The following SEMA3D variants were observed in gnomAD, a reference collection of about 807,000 sequenced individuals.
SEMA3D encodes semaphorin-3D.
Under a neutral mutation model 100.1 loss-of-function variants are expected in SEMA3D, and 84 were observed. That is an observed-to-expected ratio of 0.84 (90% CI 0.70 to 1.01). The LOEUF (loss-of-function observed/expected upper bound fraction) is 1.01. SEMA3D is among the 50% of genes least tolerant of loss of function. The pLI is 0.00. For missense variants in SEMA3D, 875 were observed against 934.1 expected (o/e 0.94, Z 0.82); for synonymous variants, 312 against 320.7 (o/e 0.97, Z 0.29).
At chr7:85,169,893 T>C (rs553498639) in intron 1 of SEMA3D, among the ~76,000 whole-genome samples, 2 of 151,788 alleles carry the variant, frequency 1.3e-5, no homozygotes, top group African/African-American at 2.4e-5. Context: ...AGACAAAGTG[T>C]CCATATAAAA....
intron 18 of SEMA3D, among the ~76,000 whole-genome samples, chr7:85,003,033 G>A (rs1266420908): frequency 6.6e-6 from 1 of 152,016 alleles, no homozygotes; most frequent in African/African-American, 2.4e-5. Flanking sequence ...TTACTAGAGG[G>A]AAATTAGGAT....
At chr7:85,007,681 T>C (rs74635772) in intron 17 of SEMA3D, among the ~76,000 whole-genome samples, 11,131 of 151,786 alleles carry the variant, frequency 0.073, 1,162 homozygotes, top group African/African-American at 0.22. Context: ...GTGTCCCTTG[T>C]GTGATCTAAG....
At chr7:85,055,657 T>TAA (rs1386900001) in intron 9 of SEMA3D, 60 bp downstream of exon 9, 2 of 92,532 alleles carry the variant, frequency 2.2e-5, no homozygotes, top group Non-Finnish European at 4.5e-5. Flanking sequence ...TATATATATA[T>TAA]ATATATATAT....
intron 2 of SEMA3D, among the ~76,000 whole-genome samples, chr7:85,150,340 T>C (rs1422307063): frequency 9.3e-6 from 1 of 107,564 alleles, no homozygotes; most frequent in Non-Finnish European, 1.8e-5. Context: ...TAAATACTTT[T>C]CTAGAAATAT....
intron 9 of SEMA3D, among the ~76,000 whole-genome samples, chr7:85,052,305 T>C (rs1419090065): frequency 6.6e-6 from 1 of 151,920 alleles, no homozygotes. Flanking sequence ...TAATCCCTCA[T>C]TGACTACAGG....
chr7:85,082,803 C>A (rs1010255353), intron 4 of SEMA3D, among the ~76,000 whole-genome samples: 1 of 152,140 alleles, frequency 6.6e-6, no homozygotes, highest in African/African-American at 2.4e-5. Context: ...TAAACCGGAG[C>A]AAGATTGTTT....
rs147494284 is a variant in SEMA3D at position 85,016,853 on chromosome 7, C to T, written c.1545+1399G>A. On this transcript the variant is annotated intron_variant, in intron 15 of 18. Coordinates refer to ENST00000284136, the MANE Select transcript of SEMA3D (RefSeq NM_001384900.1). ...CAGACTGGACTTGAGCTCCTGGGCTCAAGGTATCCTCCCATTCTAGGCTCC... is the reference window on the plus strand; with the variant it reads ...CAGACTGGACTTGAGCTCCTGGGCTTAAGGTATCCTCCCATTCTAGGCTCC... Among the ~76,000 whole-genome samples, 230 of 147,456 alleles carry T rather than the reference C, an allele frequency of 1.6e-3. 3 individuals are homozygous for T. Among genetic ancestry groups the T allele is most frequent in the African/African-American group, 5.5e-3 (217 of 39,692 alleles).
chr7:85,160,285 T>C (rs1204976915), intron 1 of SEMA3D, among the ~76,000 whole-genome samples: 1 of 151,718 alleles, frequency 6.6e-6, no homozygotes, highest in Non-Finnish European at 1.5e-5. Context: ...GAGATTACTA[T>C]CAACCCAGCA....
intron 4 of SEMA3D, among the ~76,000 whole-genome samples, chr7:85,095,817 T>C (rs549566412): frequency 6.6e-6 from 1 of 152,090 alleles, no homozygotes. Context: ...TTTATTTTAA[T>C]AATATCATAA....
intron 9 of SEMA3D, chr7:85,050,472 T>C (rs1341620597): frequency 7.1e-6 from 2 of 280,504 alleles, no homozygotes; most frequent in Admixed American, 5.3e-5. Context: ...CTAAAAATAA[T>C]TCATTAGGAA....
At chr7:85,137,002 T>TA (rs1789885298) in intron 2 of SEMA3D, among the ~76,000 whole-genome samples, 2 of 152,096 alleles carry the variant, frequency 1.3e-5, no homozygotes, top group African/African-American at 4.8e-5. Context: ...GAATGTGACT[T>TA]ATGTAGTTTT....
intron 2 of SEMA3D, among the ~76,000 whole-genome samples, chr7:85,143,911 A>G (rs914285801): frequency 6.6e-6 from 1 of 151,880 alleles, no homozygotes; most frequent in Non-Finnish European, 1.5e-5. Context: ...GGGTTTCACC[A>G]TGTTGGCCAG....
At chr7:85,142,211 T>A (rs1197938711) in intron 2 of SEMA3D, 2 of 982,850 alleles carry the variant, frequency 2.0e-6, no homozygotes, top group African/African-American at 3.5e-5. Context: ...ATTGCTTATT[T>A]AATCAAGGTT....
In SEMA3D at chr7:85,081,398, G is replaced by A. The variant is rs868518988; in HGVS notation, c.375+119C>T. 1.9e-4 allele frequency: 115 copies of A among 618,138 alleles called. 1 individual carries two copies. The Middle Eastern group carries it at 4.3e-3, about 23-fold the overall frequency. The allele number at this position is 618,138 out of a possible 1,614,324, so 38.3% of individuals were successfully genotyped here. ...CCACATTAATATTCACATAGAATATGTTAGTTTAGTCTGAAAAATAATACA... is the reference window on the plus strand; with the variant it reads ...CCACATTAATATTCACATAGAATATATTAGTTTAGTCTGAAAAATAATACA... On this transcript the variant is annotated intron_variant, in intron 5 of 18. Coordinates refer to ENST00000284136, the MANE Select transcript of SEMA3D (RefSeq NM_001384900.1).
chr7:85,044,223 C>T (rs954266985), intron 9 of SEMA3D, among the ~76,000 whole-genome samples: 11 of 151,806 alleles, frequency 7.2e-5, no homozygotes, highest in Admixed American at 5.9e-4. Flanking sequence ...CTACAACAAA[C>T]AAGAGAATTT....
chr7:85,203,806 G>A, the SEMA3D span, among the ~76,000 whole-genome samples: 1 of 151,454 alleles, frequency 6.6e-6, no homozygotes, highest in Non-Finnish European at 1.5e-5. Flanking sequence ...GAAATACAGG[G>A]GGAAAACAAA....
At chr7:85,208,534 C>G in the SEMA3D span, among the ~76,000 whole-genome samples, 3 of 151,972 alleles carry the variant, frequency 2.0e-5, no homozygotes, top group African/African-American at 7.2e-5. Context: ...TTTGGTTTCA[C>G]GTTTGGTCAA....
the SEMA3D span, among the ~76,000 whole-genome samples, chr7:85,239,032 A>T: frequency 2.0e-5 from 3 of 152,136 alleles, no homozygotes; most frequent in Admixed American, 6.6e-5. Flanking sequence ...AAAATTATTT[A>T]TTGCATTCTC....
chr7:85,177,700 T>C (rs1370042288), intron 1 of SEMA3D, among the ~76,000 whole-genome samples: 1 of 152,232 alleles, frequency 6.6e-6, no homozygotes, highest in East Asian at 1.9e-4. Context: ...AATTCAAATG[T>C]GTTATTTTAT....
Sources: allele counts gnomAD v4.1 joint callset (sites outside exome capture counted in the v4.1 genomes callset), GRCh38; gene constraint gnomAD v4.1.1; transcripts MANE v1.5; gene names NCBI Gene and HGNC (gene_info 2026-07-23, HGNC 2026-07-21).